PDE1A: variants seen among roughly 807,000 people sequenced by gnomAD.
PDE1A encodes phosphodiesterase 1A.
PDE1A carries 35 observed loss-of-function variants against 61.7 expected under a neutral mutation model. That is an observed-to-expected ratio of 0.57 (90% CI 0.43 to 0.75). The LOEUF is 0.75. PDE1A is among the 30% of genes least tolerant of loss of function. The probability of loss-of-function intolerance (pLI) is 0.00; values close to 1 mark genes in which losing one functional copy is unlikely to be tolerated. For synonymous variants in PDE1A, 232 were observed against 213.2 expected, an observed-to-expected ratio of 1.09 and a Z score of -0.77; for missense variants, 597 against 630.6, an observed-to-expected ratio of 0.95 and a Z score of 0.57.
chr2:182,159,053 T>G (rs1482464717), intron 13 of PDE1A, among the ~76,000 whole-genome samples: 2 of 152,174 alleles, frequency 1.3e-5, no homozygotes, highest in Non-Finnish European at 2.9e-5. Context: ...CTGAAGAGTT[T>G]GGGCTGTATA....
At chr2:182,692,321 C>T in the PDE1A span, among the ~76,000 whole-genome samples, 1 of 152,034 alleles carries the variant, frequency 6.6e-6, no homozygotes, top group Non-Finnish European at 1.5e-5. Context: ...ACATATACAC[C>T]ACGGAATACT....
intron 13 of PDE1A, among the ~76,000 whole-genome samples, chr2:182,183,174 G>A (rs1684909884): frequency 6.6e-6 from 1 of 152,048 alleles, no homozygotes; most frequent in African/African-American, 2.4e-5. Context: ...TAAAACCTAT[G>A]GTGAAGAGGA....
At chr2:182,437,616 C>T (rs1362865778) in intron 2 of PDE1A, among the ~76,000 whole-genome samples, 4 of 151,818 alleles carry the variant, frequency 2.6e-5, no homozygotes, top group Non-Finnish European at 4.4e-5. Context: ...TATTAGTATC[C>T]TAATTTTAGA....
intron 1 of PDE1A, among the ~76,000 whole-genome samples, chr2:182,298,072 G>A (rs1185020491): frequency 6.6e-6 from 1 of 152,204 alleles, no homozygotes; most frequent in Non-Finnish European, 1.5e-5. Context: ...ATGGCAACAA[G>A]AATTCCATTT....
chr2:182,626,762 C>G, the PDE1A span, among the ~76,000 whole-genome samples: 1 of 10,812 alleles, frequency 9.2e-5, no homozygotes, highest in South Asian at 2.9e-3. Flanking sequence ...TATATATATA[C>G]ATATATATAC....
chr2:182,223,065 T>G (rs190132148), intron 7 of PDE1A, among the ~76,000 whole-genome samples: 4 of 152,130 alleles, frequency 2.6e-5, no homozygotes, highest in Admixed American at 2.6e-4. Flanking sequence ...AAGGGTGTAA[T>G]TAAAGTTAAT....
chr2:182,179,622 G>A (rs971378611), intron 13 of PDE1A, among the ~76,000 whole-genome samples: 4 of 152,088 alleles, frequency 2.6e-5, no homozygotes, highest in Middle Eastern at 3.4e-3. Flanking sequence ...GGCCTAGATG[G>A]TAGGTTTTCT....
chr2:182,583,545 G>A, the PDE1A span, among the ~76,000 whole-genome samples: 2 of 152,100 alleles, frequency 1.3e-5, no homozygotes, highest in African/African-American at 4.8e-5. Context: ...CTTTTCCTTT[G>A]GGTAAGTCCA....
chr2:182,583,429 C>T, the PDE1A span, among the ~76,000 whole-genome samples: 8 of 152,312 alleles, frequency 5.3e-5, no homozygotes, highest in South Asian at 6.2e-4. Context: ...AAATGCCTTT[C>T]TCAAGGAGCT....
intron 1 of PDE1A, among the ~76,000 whole-genome samples, chr2:182,319,648 G>A (rs1696574243): frequency 6.6e-6 from 1 of 152,170 alleles, no homozygotes; most frequent in Admixed American, 6.6e-5. Context: ...GACAATAGAA[G>A]TAAGAAGTAT....
chr2:182,716,040 C>G, the PDE1A span: 1 of 152,428 alleles, frequency 6.6e-6, no homozygotes, highest in African/African-American at 2.4e-5. Flanking sequence ...AGGCGCCGGC[C>G]GCATTGGTGA....
chr2:182,602,998 CAT>C, the PDE1A span, among the ~76,000 whole-genome samples: 335 of 148,986 alleles, frequency 2.2e-3, 1 homozygote, highest in Non-Finnish European at 3.6e-3. Context: ...CACACACATA[CAT>C]ACATACATAC....
intron 4 of PDE1A, among the ~76,000 whole-genome samples, chr2:182,232,491 G>A (rs1035476233): frequency 1.3e-5 from 2 of 152,192 alleles, no homozygotes; most frequent in Non-Finnish European, 2.9e-5. Flanking sequence ...CTGATAAAAA[G>A]TATTCAGTCT....
the PDE1A span, among the ~76,000 whole-genome samples, chr2:182,697,206 T>C: frequency 4.6e-3 from 698 of 152,234 alleles, 1 homozygote; most frequent in Admixed American, 8.4e-3. Flanking sequence ...GTGGGGCTCA[T>C]GAAGGCAGGA....
intron 1 of PDE1A, among the ~76,000 whole-genome samples, chr2:182,343,867 CTTTT>C (rs1698350984): frequency 2.8e-5 from 1 of 35,538 alleles, no homozygotes; most frequent in East Asian, 8.8e-4. Context: ...TAATCTTTTT[CTTTT>C]TCTTTTTTTT....
chr2:182,425,415 T>C (rs964154571), intron 1 of PDE1A, among the ~76,000 whole-genome samples: 2 of 152,200 alleles, frequency 1.3e-5, no homozygotes, highest in African/African-American at 4.8e-5. Context: ...CCAACATCAT[T>C]GCATAAGACA....
chr2:182,557,625 T>C, the PDE1A span, among the ~76,000 whole-genome samples: 3 of 152,184 alleles, frequency 2.0e-5, no homozygotes, highest in Admixed American at 6.5e-5. Flanking sequence ...GGTGGGAAGA[T>C]GGCTTGAACC....
At chr2:182,336,313 G>A (rs1697807555) in intron 1 of PDE1A, among the ~76,000 whole-genome samples, 1 of 152,072 alleles carries the variant, frequency 6.6e-6, no homozygotes, top group Admixed American at 6.6e-5. Flanking sequence ...AAAGACACAT[G>A]CACACATATG....
At position 182,366,096 on chromosome 2, in the gene PDE1A, T is replaced by C. The variant is rs371272279; in HGVS notation, c.53+60482A>G. ...TGACGTGAATTGTGAGAAACTGTGA[T>C]TACTTTTATAGGAGCAGGCACTGTG... On this transcript the variant is annotated intron_variant, in intron 1 of 13. Coordinates refer to ENST00000351439, the Ensembl canonical transcript of PDE1A. Among the ~76,000 whole-genome samples, 23 of 152,174 alleles carry C rather than the reference T, an allele frequency of 1.5e-4. No individual in the cohort carries two copies. The East Asian group carries it at 1.7e-3, about 12-fold the overall frequency.
Sources: gnomAD v4.1 joint callset for allele counts (sites outside exome capture counted in the v4.1 genomes callset) on GRCh38, gnomAD v4.1.1 for gene constraint, MANE v1.5 for transcripts, NCBI Gene and HGNC (gene_info 2026-07-23, HGNC 2026-07-21) for gene names.